The following FLCN variants were observed in gnomAD, a reference collection of about 807,000 sequenced individuals.
FLCN encodes the protein folliculin.
FLCN carries 22 observed loss-of-function variants against 62.5 expected under a neutral mutation model. The ratio of observed to expected loss-of-function variants is 0.35; its 90% CI spans 0.25 to 0.50. The LOEUF (loss-of-function observed/expected upper bound fraction) is 0.50. Ranked by LOEUF, FLCN falls within the 20% of genes least tolerant of loss-of-function variation. The pLI is 0.97. For missense variants in FLCN, 657 were observed against 778.0 expected (o/e 0.84, Z 1.85); for synonymous variants, 319 against 310.0 (o/e 1.03, Z -0.30).
At chr17:17,214,864 G>T in intron 13 of FLCN, 121 bp downstream of exon 13, 3 of 1,073,138 alleles carry the variant, frequency 2.8e-6, no homozygotes, top group Non-Finnish European at 4.2e-6. Context: ...TTGGAACCCC[G>T]CCCCCAACCT....
Position 17,215,080 on chromosome 17 carries a change from G to A in FLCN, c.1443C>T (p.Thr481=). ...SPVAADRVGP[T]ILNKIEAALT... ...GAGCCGCTTCAATCTTATTCAGGAT[G>A]GTGGGGCCCACTGGGGAGAAGGGCA... The change falls in exon 13 of 14, where the codon ACC becomes ACT. Residue 481 remains threonine, a synonymous_variant. Coordinates refer to ENST00000285071, the MANE Select transcript of FLCN (RefSeq NM_144997.7). 1 of 1,613,804 alleles carries A rather than the reference G, an allele frequency of 6.2e-7. No individual in the cohort carries two copies.
Position 17,216,080 on chromosome 17 carries a change from T to C in FLCN, c.1300+300A>G, listed in dbSNP as rs2046910090. On this transcript the variant is annotated intron_variant, in intron 11 of 13. Transcript: ENST00000285071. The surrounding 1 kb of genome is among the most constrained non-coding windows in gnomAD (Gnocchi z 4.0). The stretch of plus-strand genomic sequence containing the variant: ...CAGCATTCAGCAGGCCTCCATCTCA[T>C]AGGCACCCAATCACCAGGACGACCA... Among the ~76,000 whole-genome samples the C allele has an allele frequency of 6.6e-6, 1 of 152,090 alleles. No homozygotes were observed. The highest frequency in any genetic ancestry group is 2.4e-5 in the African/African-American group (1 of 41,410).
At chr17:17,220,533 A>G (rs1597596114) in intron 8 of FLCN, 1 of 152,314 alleles carries the variant, frequency 6.6e-6, no homozygotes, top group Admixed American at 6.5e-5. Flanking sequence ...GCACGTCAGA[A>G]GCAAATCCAG....
At chr17:17,226,383 G>A in intron 4 of FLCN, 61 bp from the exon 5 acceptor site, 1 of 1,602,340 alleles carries the variant, frequency 6.2e-7, no homozygotes. Flanking sequence ...AACTCTCTTA[G>A]GTTTATGCAA....
intron 1 of FLCN, 133 bp from the exon 2 acceptor site, chr17:17,233,034 GT>G (rs779551696): frequency 1.3e-5 from 2 of 152,248 alleles, no homozygotes; most frequent in Non-Finnish European, 2.9e-5. Context: ...ACTCCCCAGG[GT>G]TCTGAATGGC....
At position 17,215,188 on chromosome 17, in the gene FLCN, G is replaced by C. The variant is rs879255678; in HGVS notation, c.1429C>G (p.Arg477Gly). 6.2e-7 allele frequency: 1 copy of C among 1,614,106 alleles called. No homozygotes were observed. The highest frequency in any genetic ancestry group is 8.5e-7 in the Non-Finnish European group (1 of 1,180,018). The change falls in exon 12 of 14, where the codon CGA (arginine) becomes GGA (glycine). Residue 477 changes from arginine to glycine, a missense_variant. Transcript: ENST00000285071. ...VTSGSPVAAD[R>G]VGPTILNKIE... is the part of the protein sequence containing the mutation. ...CACTCTGCCTGGGGGCACCCACCTCGGTCTGCAGCTACAGGGCTCCCACTG... is the reference window on the plus strand; with the variant it reads ...CACTCTGCCTGGGGGCACCCACCTCCGTCTGCAGCTACAGGGCTCCCACTG...
At chr17:17,231,390 G>C (rs1302679308) in intron 3 of FLCN, 1 of 152,224 alleles carries the variant, frequency 6.6e-6, no homozygotes, top group Non-Finnish European at 1.5e-5. Context: ...GGCAGGGAAT[G>C]GAGGGCTGGT....
chr17:17,217,210 C>T (rs368047869), intron 9 of FLCN, 28 bp from the exon 10 acceptor site: 18 of 1,449,612 alleles, frequency 1.2e-5, no homozygotes, highest in South Asian at 1.1e-4. Flanking sequence ...GTGCTTTCAG[C>T]GTGACTAGTA....
Position 17,212,475 on chromosome 17 carries a change from TAAA to T in FLCN, c.*1177_*1179del, listed in dbSNP as rs397932764. 0.028 allele frequency: 2,157 copies of T among 75,938 alleles called. 63 individuals carry two copies. The highest frequency in any genetic ancestry group is 0.1 in the African/African-American group (1,851 of 18,000). The allele number at this position is 75,938 out of a possible 1,614,324, so 4.7% of individuals were successfully genotyped here. A position where few individuals can be genotyped will look rare whatever the true frequency, so the allele number is the denominator to read the frequency against. ...ACGACATAGCAAGATGCCATCTCTT[TAAA>T]AAAAAAAAAAAAAAAAAAAAAAAGG... On this transcript the variant is annotated 3_prime_UTR_variant, in exon 14 of 14. Coordinates refer to ENST00000285071, the MANE Select transcript of FLCN (RefSeq NM_144997.7).
chr17:17,218,711 G>A (rs1204849175), intron 9 of FLCN, among the ~76,000 whole-genome samples: 1 of 152,140 alleles, frequency 6.6e-6, no homozygotes, highest in African/African-American at 2.4e-5. Flanking sequence ...CAGGGTCCAG[G>A]CTGCATCCAA....
intron 5 of FLCN, 38 bp from the exon 6 acceptor site, chr17:17,224,181 G>T: frequency 6.6e-7 from 1 of 1,523,118 alleles, no homozygotes; most frequent in South Asian, 1.2e-5. Context: ...CCCTTTCCTC[G>T]CTTAGTGACA....
intron 8 of FLCN, chr17:17,220,903 A>C: frequency 3.9e-6 from 1 of 258,308 alleles, no homozygotes; most frequent in Non-Finnish European, 7.6e-6. Flanking sequence ...GCTGTTTGGA[A>C]GGCTGGTCAT....
rs1470252519 is a variant in FLCN at position 17,212,806 on chromosome 17, G to A, written c.*849C>T. 4.6e-6 allele frequency: 1 copy of A among 219,364 alleles called. No individual in the cohort carries two copies. The highest frequency in any genetic ancestry group is 5.8e-5 in the Admixed American group (1 of 17,244). The allele number at this position is 219,364 out of a possible 1,614,324, so 13.6% of individuals were successfully genotyped here. Reference sequence around the variant, plus strand: ...CCTCTCAAAAAAAAAAGTACAGTGGGATGATGAAATTGTCTTCAATCACCA... The same window carrying A: ...CCTCTCAAAAAAAAAAGTACAGTGGAATGATGAAATTGTCTTCAATCACCA... On this transcript the variant is annotated 3_prime_UTR_variant, in exon 14 of 14. Coordinates refer to ENST00000285071, the MANE Select transcript of FLCN (RefSeq NM_144997.7).
rs781100382 is a variant in FLCN, at chr17:17,226,301, C to T, written c.271G>A (p.Gly91Arg). The T allele has an allele frequency of 2.5e-6, 4 of 1,614,158 alleles. No individual in the cohort carries two copies. The highest frequency in any genetic ancestry group is 3.4e-6 in the Non-Finnish European group (4 of 1,180,038). The change falls in exon 5 of 14, where the codon GGG (glycine) becomes AGG (arginine). Residue 91 changes from glycine to arginine, a missense_variant. Transcript: ENST00000285071. ...TCATGGCTGATATATCCCGGGTGCC[C>T]TGCAGCAAGTGACCGGCAGCCCTGT... Reference protein sequence around the residue: ...MCEGCRSLAAGHPGYISHDKE... With the variant: ...MCEGCRSLAARHPGYISHDKE...
chr17:17,236,695 G>A (rs191885286), intron 1 of FLCN, among the ~76,000 whole-genome samples: 5 of 152,266 alleles, frequency 3.3e-5, no homozygotes, highest in East Asian at 1.9e-4. Context: ...TGGGAGAAGG[G>A]AAGGCAAACA....
At position 17,217,317 on chromosome 17, in the gene FLCN, C is replaced by T. The variant is rs929752951; in HGVS notation, c.1063-135G>A. The T allele has an allele frequency of 8.2e-6, 6 of 729,188 alleles. No individual in the cohort carries two copies. In the African/African-American group the frequency reaches 1.0e-4, roughly 13 times the overall value. The allele number at this position is 729,188 out of a possible 1,614,324, so 45.2% of individuals were successfully genotyped here. On this transcript the variant is annotated intron_variant, in intron 9 of 13. Coordinates refer to ENST00000285071, the MANE Select transcript of FLCN (RefSeq NM_144997.7). Reference sequence around the variant, plus strand: ...CTCAGGAGAAAGACACTTATCTTCTCAGGGAGGCGGGTGCCCGGCCCAGGG... The same window carrying T: ...CTCAGGAGAAAGACACTTATCTTCTTAGGGAGGCGGGTGCCCGGCCCAGGG...
intron 10 of FLCN, 57 bp downstream of exon 10, chr17:17,217,011 GC>G: frequency 7.8e-7 from 1 of 1,287,240 alleles, no homozygotes; most frequent in Non-Finnish European, 1.1e-6. Flanking sequence ...CCCACCTGAC[GC>G]CAGGCACCAG....
Position 17,222,508 on chromosome 17 carries a change from A to G in FLCN, c.772T>C (p.Phe258Leu). ...DNLWACLHTS[F>L]AWLLKACGSR... is the part of the protein sequence containing the mutation. ...AGCAGAGACGCCCGTTACCAGGCAA[A>G]GGAGGTGTGCAGGCACGCCCACAGG... Residue 258 changes from phenylalanine (F) to leucine (L), a missense_variant, in exon 7 of 14, where the codon TTT becomes CTT. Phe to Leu is a conservative substitution (Grantham distance 22). Coordinates refer to ENST00000285071, the MANE Select transcript of FLCN (RefSeq NM_144997.7). The G allele has an allele frequency of 6.2e-7, 1 of 1,614,216 alleles. No homozygotes were observed. The highest frequency in any genetic ancestry group is 8.5e-7 in the Non-Finnish European group (1 of 1,180,026).
intron 9 of FLCN, chr17:17,217,797 G>A (rs2046970248): frequency 5.9e-6 from 1 of 170,912 alleles, no homozygotes; most frequent in South Asian, 1.4e-4. Flanking sequence ...GACACCTTAG[G>A]AGAGTCCAGC....
Sources: allele counts gnomAD v4.1 joint callset (sites outside exome capture counted in the v4.1 genomes callset), GRCh38; gene constraint gnomAD v4.1.1; non-coding constraint Gnocchi (gnomAD v3.1); transcripts MANE v1.5; gene names NCBI Gene and HGNC (gene_info 2026-07-23, HGNC 2026-07-21).